The following AGBL4 variants were observed in gnomAD, a reference collection of about 807,000 sequenced individuals.
The protein encoded by AGBL4 is AGBL carboxypeptidase 4.
A neutral mutation model predicts 66.4 loss-of-function variants in AGBL4; 58 were observed. That is an observed-to-expected ratio of 0.87 (90% CI 0.71 to 1.09). The LOEUF (loss-of-function observed/expected upper bound fraction) is 1.09, where lower values mean the gene tolerates loss of function less well. Among genes scored for constraint, AGBL4 ranks in the 50% least tolerant of loss-of-function variants. The pLI is 0.00. For missense variants in AGBL4, 579 were observed against 631.0 expected (o/e 0.92, Z 0.88); for synonymous variants, 234 against 222.9 (o/e 1.05, Z -0.44).
At chr1:49,237,549 T>C (rs1392095668) in intron 4 of AGBL4, among the ~76,000 whole-genome samples, 1 of 3,996 alleles carries the variant, frequency 2.5e-4, no homozygotes, top group African/African-American at 3.3e-4. Context: ...TATATATATA[T>C]ATATATATAT....
chr1:49,010,456 A>C (rs1324160426), intron 5 of AGBL4, among the ~76,000 whole-genome samples: 2 of 138,870 alleles, frequency 1.4e-5, no homozygotes, highest in East Asian at 4.0e-4. Flanking sequence ...CATACTGCCC[A>C]AGGTAATTTA....
intron 6 of AGBL4, among the ~76,000 whole-genome samples, chr1:48,787,405 G>T (rs2148725333): frequency 6.6e-6 from 1 of 152,176 alleles, no homozygotes; most frequent in Middle Eastern, 3.4e-3. Flanking sequence ...ATTCTATGTT[G>T]TGGTGGGTGG....
intron 6 of AGBL4, among the ~76,000 whole-genome samples, chr1:48,815,355 G>A (rs978629122): frequency 1.3e-5 from 2 of 152,096 alleles, no homozygotes; most frequent in Non-Finnish European, 2.9e-5. Flanking sequence ...CTGTTAAACA[G>A]AACAGTGAGT....
chr1:49,618,058 T>C (rs749962359), intron 3 of AGBL4, among the ~76,000 whole-genome samples: 1 of 152,182 alleles, frequency 6.6e-6, no homozygotes, highest in Non-Finnish European at 1.5e-5. Flanking sequence ...CCTGTGTCCA[T>C]GTGTTCTCGT....
At chr1:48,873,409 C>T (rs966342141) in intron 5 of AGBL4, among the ~76,000 whole-genome samples, 2 of 152,196 alleles carry the variant, frequency 1.3e-5, no homozygotes, top group African/African-American at 4.8e-5. Flanking sequence ...TAAAGCGTTG[C>T]TTAACTTGCC....
intron 2 of AGBL4, among the ~76,000 whole-genome samples, chr1:49,712,446 T>G (rs1571384244): frequency 6.6e-6 from 1 of 151,046 alleles, no homozygotes; most frequent in South Asian, 2.1e-4. Context: ...GAGATGGGGG[T>G]GGGGGCAGGG....
intron 2 of AGBL4, among the ~76,000 whole-genome samples, chr1:49,785,026 G>T (rs927582661): frequency 3.6e-4 from 55 of 152,092 alleles, no homozygotes; most frequent in African/African-American, 1.3e-3. Context: ...TATAGGTTTT[G>T]AAAAATATCT....
chr1:48,732,223 G>A (rs1648251954), intron 6 of AGBL4, among the ~76,000 whole-genome samples: 1 of 152,142 alleles, frequency 6.6e-6, no homozygotes, highest in Non-Finnish European at 1.5e-5. Flanking sequence ...CACAGAGAAG[G>A]AGAGGAAGAA....
At chr1:48,596,392 C>T (rs1192673192) in intron 9 of AGBL4, among the ~76,000 whole-genome samples, 1 of 152,096 alleles carries the variant, frequency 6.6e-6, no homozygotes, top group African/African-American at 2.4e-5. Context: ...AAGATGTTTT[C>T]CCCTGGGACT....
At chr1:49,542,896 CAAAAAAAAAAAA>C (rs35734647) in intron 3 of AGBL4, among the ~76,000 whole-genome samples, 110 of 22,894 alleles carry the variant, frequency 4.8e-3, no homozygotes, top group African/African-American at 0.02. Flanking sequence ...AAGACTCCAT[CAAAAAAAAAAAA>C]AAAAAAAAAA....
chr1:49,982,816 G>A (rs1374919369), intron 1 of AGBL4, among the ~76,000 whole-genome samples: 1 of 151,862 alleles, frequency 6.6e-6, no homozygotes, highest in Non-Finnish European at 1.5e-5. Flanking sequence ...GAGCTAAGAG[G>A]TATCCAGACG....
At chr1:48,941,982 C>G (rs1263989197) in intron 5 of AGBL4, among the ~76,000 whole-genome samples, 1 of 152,208 alleles carries the variant, frequency 6.6e-6, no homozygotes, top group Non-Finnish European at 1.5e-5. Context: ...ATGCCTTTTT[C>G]TCTTGCCCGT....
At chr1:49,420,280 T>C (rs1645515103) in intron 3 of AGBL4, among the ~76,000 whole-genome samples, 1 of 152,176 alleles carries the variant, frequency 6.6e-6, no homozygotes, top group South Asian at 2.1e-4. Flanking sequence ...TATCAAGGTA[T>C]GAAATTGGGT....
At position 49,324,725 on chromosome 1, in the gene AGBL4, A is replaced by G. The variant is rs1352753108; in HGVS notation, c.283-78861T>C. Among the ~76,000 whole-genome samples the G allele has an allele frequency of 2.6e-5, 4 of 152,184 alleles. No individual in the cohort carries two copies. In the East Asian group the frequency reaches 5.8e-4, roughly 22 times the overall value. On this transcript the variant is annotated intron_variant, in intron 3 of 13. Coordinates refer to ENST00000371839, the MANE Select transcript of AGBL4 (RefSeq NM_032785.4). ...ATGTGTTTGTTGCAGAAATCTCTAAATATCAGCTCCAATTGGCTTCTCTCA... is the reference window on the plus strand; with the variant it reads ...ATGTGTTTGTTGCAGAAATCTCTAAGTATCAGCTCCAATTGGCTTCTCTCA...
chr1:49,278,644 C>T (rs1340727573), intron 3 of AGBL4, among the ~76,000 whole-genome samples: 1 of 152,078 alleles, frequency 6.6e-6, no homozygotes, highest in Non-Finnish European at 1.5e-5. Flanking sequence ...TAGGTTCAGT[C>T]TCAGTCTCAG....
chr1:49,073,508 T>C (rs1286780373), intron 4 of AGBL4, among the ~76,000 whole-genome samples: 2 of 152,198 alleles, frequency 1.3e-5, no homozygotes, highest in Non-Finnish European at 2.9e-5. Flanking sequence ...GTCAGGCTCC[T>C]CAGCTGCAGG....
chr1:49,036,315 A>C (rs1193430348), intron 5 of AGBL4, among the ~76,000 whole-genome samples: 1 of 152,158 alleles, frequency 6.6e-6, no homozygotes. Flanking sequence ...CCAGAGCAAG[A>C]TAAGGCAATA....
intron 3 of AGBL4, among the ~76,000 whole-genome samples, chr1:49,405,608 C>G (rs956978259): frequency 1.3e-5 from 2 of 152,120 alleles, no homozygotes; most frequent in Non-Finnish European, 2.9e-5. Flanking sequence ...TTTGCCTAAA[C>G]AGTTATCCTT....
chr1:49,055,571 C>T (rs113775837), intron 4 of AGBL4, among the ~76,000 whole-genome samples: 33 of 151,898 alleles, frequency 2.2e-4, no homozygotes, highest in African/African-American at 8.0e-4. Flanking sequence ...AAGGCAAAGG[C>T]AATGTCATCA....
Sources: allele counts gnomAD v4.1 joint callset (sites outside exome capture counted in the v4.1 genomes callset), GRCh38; gene constraint gnomAD v4.1.1; transcripts MANE v1.5; gene names NCBI Gene and HGNC (gene_info 2026-07-23, HGNC 2026-07-21).